The following VPS13B variants were observed in gnomAD, a reference collection of about 807,000 sequenced individuals.
The protein encoded by VPS13B is vacuolar protein sorting 13 homolog B.
In VPS13B, 285 loss-of-function variants were observed where a neutral mutation model predicts 426.4. The observed-to-expected ratio is 0.67, with a 90% CI of 0.61 to 0.74. The LOEUF (loss-of-function observed/expected upper bound fraction) is 0.74. Among genes scored for constraint, VPS13B ranks in the 30% least tolerant of loss-of-function variants. The pLI is 0.00. For synonymous variants in VPS13B, 1,676 were observed against 1,676.4 expected, an observed-to-expected ratio of 1.00 and a Z score of 0.01; for missense variants, 4,537 against 4,782.6, an observed-to-expected ratio of 0.95 and a Z score of 1.51.
At chr8:99,461,869 A>G (rs74860852) in intron 23 of VPS13B, among the ~76,000 whole-genome samples, 2,498 of 152,284 alleles carry the variant, frequency 0.016, 38 homozygotes, top group East Asian at 0.09. Context: ...ATATCAGTTA[A>G]TAGTTGGTTA....
chr8:99,824,071 T>C, intron 51 of VPS13B, 93 bp downstream of exon 51: 2 of 1,432,986 alleles, frequency 1.4e-6, no homozygotes, highest in Non-Finnish European at 1.9e-6. Context: ...AATGAAAAGC[T>C]AACCCTGAAT....
intron 30 of VPS13B, among the ~76,000 whole-genome samples, chr8:99,541,633 A>T (rs1229966498): frequency 6.6e-6 from 1 of 152,220 alleles, no homozygotes; most frequent in African/African-American, 2.4e-5. Flanking sequence ...AACTCTTGCC[A>T]TGTTAAAACA....
rs542388928 is a variant in VPS13B, at chr8:99,646,470, A to G, written c.5908+3972A>G. ...AGCCTGGGAAGTCAAGGCTGCAGTA[A>G]ACCGAGATTGCATCACTGTACTGCA... On this transcript the variant is annotated intron_variant, in intron 34 of 61. Coordinates refer to ENST00000357162, the MANE Select transcript of VPS13B (RefSeq NM_152564.5). Among the ~76,000 whole-genome samples, 5 of 152,270 alleles carry G rather than the reference A, an allele frequency of 3.3e-5. No individual in the cohort carries two copies. In the East Asian group the frequency reaches 9.7e-4, roughly 29 times the overall value.
intron 17 of VPS13B, among the ~76,000 whole-genome samples, chr8:99,205,565 T>C (rs181182174): frequency 6.6e-5 from 10 of 152,318 alleles, no homozygotes; most frequent in Non-Finnish European, 1.5e-4. Flanking sequence ...AGCTGTCTGC[T>C]TAGCATTTTT....
chr8:99,747,568 A>G (rs779349542), intron 39 of VPS13B, among the ~76,000 whole-genome samples: 24 of 152,106 alleles, frequency 1.6e-4, no homozygotes, highest in Non-Finnish European at 2.8e-4. Flanking sequence ...TCAGTGTTGC[A>G]TATCAAGAAT....
intron 19 of VPS13B, among the ~76,000 whole-genome samples, chr8:99,344,216 GTC>G: frequency 6.6e-6 from 1 of 152,258 alleles, no homozygotes; most frequent in East Asian, 1.9e-4. Flanking sequence ...GGAAAGGATA[GTC>G]TCTTCATTAA....
At chr8:99,524,408 A>G (rs903774947) in intron 30 of VPS13B, among the ~76,000 whole-genome samples, 1 of 152,230 alleles carries the variant, frequency 6.6e-6, no homozygotes, top group African/African-American at 2.4e-5. Context: ...ATATAACCCA[A>G]GGAAGACTAC....
chr8:99,725,145 C>T (rs1264427617), intron 39 of VPS13B, among the ~76,000 whole-genome samples: 1 of 152,236 alleles, frequency 6.6e-6, no homozygotes, highest in Non-Finnish European at 1.5e-5. Context: ...TGTAGCACTT[C>T]ATGGTACTAC....
chr8:99,292,576 T>C (rs1047664033), intron 19 of VPS13B, among the ~76,000 whole-genome samples: 6 of 152,138 alleles, frequency 3.9e-5, no homozygotes, highest in Non-Finnish European at 8.8e-5. Context: ...GCTGAAAAGA[T>C]CATGTTTAGA....
chr8:99,671,861 A>G (rs1470730984), intron 35 of VPS13B, among the ~76,000 whole-genome samples: 1 of 152,130 alleles, frequency 6.6e-6, no homozygotes, highest in Admixed American at 6.6e-5. Context: ...AGCTTTCCCA[A>G]CAGCATTTAT....
At chr8:99,305,975 T>A (rs1238754822) in intron 19 of VPS13B, among the ~76,000 whole-genome samples, 1 of 152,164 alleles carries the variant, frequency 6.6e-6, no homozygotes, top group Non-Finnish European at 1.5e-5. Flanking sequence ...AACCTAGTTA[T>A]ATCACCACTG....
At chr8:99,159,843 A>G (rs1015945549) in intron 15 of VPS13B, among the ~76,000 whole-genome samples, 4 of 152,010 alleles carry the variant, frequency 2.6e-5, no homozygotes, top group African/African-American at 9.7e-5. Flanking sequence ...TATTTTTGGT[A>G]AGATGGGGTT....
rs757067778 is a variant in VPS13B, at chr8:99,102,934, C to T, written c.413-19C>T. ...TGAGAGATTTGTGGCTAATTAAATT[C>T]TTTTTTTCTATTTTATAGGTTATGT... On this transcript the variant is annotated intron_variant, in intron 4 of 61. Coordinates refer to ENST00000357162, the MANE Select transcript of VPS13B (RefSeq NM_152564.5). 1 of 1,581,134 alleles carries T rather than the reference C, an allele frequency of 6.3e-7. No individual in the cohort carries two copies. The highest frequency in any genetic ancestry group is 1.3e-5 in the African/African-American group (1 of 74,146).
chr8:99,295,097 GATAAA>G (rs1819955877), intron 19 of VPS13B, among the ~76,000 whole-genome samples: 1 of 152,048 alleles, frequency 6.6e-6, no homozygotes, highest in African/African-American at 2.4e-5. Context: ...AGATTTTACA[GATAAA>G]ATAAGCAGTA....
intron 19 of VPS13B, among the ~76,000 whole-genome samples, chr8:99,309,767 G>A (rs1012803376): frequency 1.1e-4 from 16 of 152,004 alleles, no homozygotes; most frequent in African/African-American, 1.9e-4. Context: ...ATAAATTACC[G>A]TGGCCAGTAT....
chr8:99,372,640 C>T lies in VPS13B; in HGVS notation c.2825-11568C>T, dbSNP rs186282970. On this transcript the variant is annotated intron_variant, in intron 19 of 61. Coordinates refer to ENST00000357162, the MANE Select transcript of VPS13B (RefSeq NM_152564.5). Reference sequence around the variant, plus strand: ...TACCATCTCACACCAGTTAGAATGGCGATCTTTAAAAAGTCAGGAAACAAC... The same window carrying T: ...TACCATCTCACACCAGTTAGAATGGTGATCTTTAAAAAGTCAGGAAACAAC... Among the ~76,000 whole-genome samples, 433 of 152,262 alleles carry T rather than the reference C, an allele frequency of 2.8e-3. 2 individuals carry two copies. Among genetic ancestry groups the T allele is most frequent in the African/African-American group, 9.9e-3 (411 of 41,544 alleles).
chr8:99,577,487 CAGG>C lies in VPS13B; in HGVS notation c.5077_5079del (p.Glu1693del). The C allele has an allele frequency of 6.2e-7, 1 of 1,613,708 alleles. No homozygotes were observed. The highest frequency in any genetic ancestry group is 8.5e-7 in the Non-Finnish European group (1 of 1,179,684). On this transcript the variant is annotated splice_acceptor_variant and coding_sequence_variant, in exon 33 of 62. Coordinates refer to ENST00000357162, the MANE Select transcript of VPS13B (RefSeq NM_152564.5). LOFTEE classifies it high-confidence loss of function. ...TATCTGTATTCTACCGTTTTTGCTT[CAGG>C]AGATTTTAGTGTGTGGCCATTCCTT...
In VPS13B at chr8:99,526,245, A is replaced by C. The variant is rs368207553; in HGVS notation, c.4745+5235A>C. ...CAACCCTAAAAGAATCATGTTAAGA[A>C]TTATTAATATTTTTGCTACTTGAGT... On this transcript the variant is annotated intron_variant, in intron 30 of 61. Transcript: ENST00000357162. Among the ~76,000 whole-genome samples, 80 of 152,258 alleles carry C rather than the reference A, an allele frequency of 5.3e-4. No homozygotes were observed. In the South Asian group the frequency reaches 0.016, roughly 31 times the overall value.
intron 43 of VPS13B, among the ~76,000 whole-genome samples, chr8:99,795,066 C>T (rs1812738118): frequency 1.3e-5 from 2 of 152,190 alleles, no homozygotes; most frequent in African/African-American, 4.8e-5. Flanking sequence ...AAGCTAGGAA[C>T]TTTCAAAATA....
Sources: allele counts gnomAD v4.1 joint callset (sites outside exome capture counted in the v4.1 genomes callset), GRCh38; gene constraint gnomAD v4.1.1; transcripts MANE v1.5; gene names NCBI Gene and HGNC (gene_info 2026-07-23, HGNC 2026-07-21).